RBFOX1: variants seen among roughly 807,000 people sequenced by gnomAD.
RBFOX1 encodes the protein RNA binding protein fox-1 homolog 1.
A neutral mutation model predicts 57.7 loss-of-function variants in RBFOX1; 8 were observed. The ratio of observed to expected loss-of-function variants is 0.14; its 90% confidence interval spans 0.08 to 0.25. RBFOX1 has a LOEUF of 0.25. Ranked by LOEUF, RBFOX1 falls within the 10% of genes least tolerant of loss-of-function variation. RBFOX1 has a pLI of 1.00. For synonymous variants in RBFOX1, 326 were observed against 222.4 expected (o/e 1.47, Z -4.15); for missense variants, 611 against 548.5 (o/e 1.11, Z -1.14).
chr16:6,875,259 A>G (rs1273228803), intron 3 of RBFOX1, among the ~76,000 whole-genome samples: 1 of 152,202 alleles, frequency 6.6e-6, no homozygotes, highest in African/African-American at 2.4e-5. Context: ...AGTATCTCTG[A>G]AGACTCTTCG....
At chr16:6,624,888 C>CGCTCAGACATTCTGG (rs1026707364) in intron 2 of RBFOX1, among the ~76,000 whole-genome samples, 2 of 152,016 alleles carry the variant, frequency 1.3e-5, no homozygotes, top group African/African-American at 4.8e-5. Context: ...CTGGGCTGGA[C>CGCTCAGACATTCTGG]GCGGTTGCTC....
chr16:6,784,559 A>T (rs1247143040), intron 3 of RBFOX1, among the ~76,000 whole-genome samples: 2 of 152,136 alleles, frequency 1.3e-5, no homozygotes, highest in Non-Finnish European at 2.9e-5. Flanking sequence ...CAAGACAACC[A>T]TTTTGAATTG....
chr16:6,455,664 T>C (rs9932976), intron 2 of RBFOX1, among the ~76,000 whole-genome samples: 49,620 of 152,100 alleles, frequency 0.33, 8,535 homozygotes, highest in Non-Finnish European at 0.38. Context: ...TCACCATGAA[T>C]ATATGACGAC....
At chr16:6,166,616 A>T (rs1294517707) in intron 1 of RBFOX1, among the ~76,000 whole-genome samples, 1 of 152,130 alleles carries the variant, frequency 6.6e-6, no homozygotes, top group African/African-American at 2.4e-5. Flanking sequence ...TTTTCAGGAA[A>T]AGGAGAGACT....
At chr16:5,953,740 C>A (rs953126687) in intron 4 of RBFOX1, among the ~76,000 whole-genome samples, 1 of 147,798 alleles carries the variant, frequency 6.8e-6, no homozygotes. Flanking sequence ...AACACATTTT[C>A]TTCATCCACT....
chr16:5,998,444 G>A (rs1218396612), intron 4 of RBFOX1, among the ~76,000 whole-genome samples: 5 of 152,218 alleles, frequency 3.3e-5, no homozygotes, highest in Non-Finnish European at 7.3e-5. Flanking sequence ...GCGGGCAAGC[G>A]AACTTCTATC....
chr16:7,206,672 C>T (rs1426405953), intron 4 of RBFOX1, among the ~76,000 whole-genome samples: 2 of 151,976 alleles, frequency 1.3e-5, no homozygotes, highest in African/African-American at 2.4e-5. Context: ...AAAGGTGATC[C>T]TGAAGTCCTG....
At chr16:6,367,549 C>T (rs965444531) in intron 2 of RBFOX1, among the ~76,000 whole-genome samples, 2 of 152,158 alleles carry the variant, frequency 1.3e-5, no homozygotes, top group African/African-American at 2.4e-5. Flanking sequence ...GGATTACAGG[C>T]GTGAGCCAAT....
chr16:6,163,878 C>G (rs1308712059), intron 1 of RBFOX1, among the ~76,000 whole-genome samples: 1 of 152,042 alleles, frequency 6.6e-6, no homozygotes, highest in African/African-American at 2.4e-5. Flanking sequence ...AGGTCCAATT[C>G]TTGGTTGTCA....
chr16:6,166,643 C>T (rs17139496), intron 1 of RBFOX1, among the ~76,000 whole-genome samples: 5,440 of 152,202 alleles, frequency 0.036, 351 homozygotes, highest in African/African-American at 0.12. Context: ...CTGAGCATAA[C>T]GCCGGTCCCT....
intron 1 of RBFOX1, among the ~76,000 whole-genome samples, chr16:6,184,866 C>A (rs1265596226): frequency 6.6e-6 from 1 of 152,116 alleles, no homozygotes; most frequent in Non-Finnish European, 1.5e-5. Flanking sequence ...CGCTTCTGGT[C>A]TACTACAGGA....
intron 4 of RBFOX1, among the ~76,000 whole-genome samples, chr16:7,399,633 ATCT>A (rs1292343919): frequency 6.6e-6 from 1 of 152,074 alleles, no homozygotes; most frequent in Non-Finnish European, 1.5e-5. Flanking sequence ...TTCTGCCTCC[ATCT>A]TCATATGGCA....
chr16:6,623,403 C>G (rs183273862), intron 2 of RBFOX1, among the ~76,000 whole-genome samples: 1 of 151,618 alleles, frequency 6.6e-6, no homozygotes, highest in Non-Finnish European at 1.5e-5. Context: ...CATGCAACCC[C>G]TGGTACTGAG....
intron 3 of RBFOX1, among the ~76,000 whole-genome samples, chr16:6,861,670 T>C (rs2059025363): frequency 6.6e-6 from 1 of 151,964 alleles, no homozygotes; most frequent in African/African-American, 2.4e-5. Flanking sequence ...ACCTCCTCTA[T>C]TTTTCACTGT....
intron 3 of RBFOX1, among the ~76,000 whole-genome samples, chr16:7,006,448 C>T (rs557049774): frequency 5.3e-5 from 8 of 152,124 alleles, no homozygotes; most frequent in East Asian, 1.9e-4. Flanking sequence ...CCACTGCGCC[C>T]GGCCAAACAA....
At chr16:6,001,804 A>G (rs986930998) in intron 4 of RBFOX1, among the ~76,000 whole-genome samples, 1 of 152,272 alleles carries the variant, frequency 6.6e-6, no homozygotes, top group South Asian at 2.1e-4. Context: ...ACAGATGACT[A>G]AAGCCTGGGA....
intron 3 of RBFOX1, among the ~76,000 whole-genome samples, chr16:6,774,798 C>G (rs1434628988): frequency 1.3e-5 from 2 of 151,946 alleles, no homozygotes; most frequent in Non-Finnish European, 2.9e-5. Context: ...TATACCTGAG[C>G]TTTCCAATAT....
intron 3 of RBFOX1, among the ~76,000 whole-genome samples, chr16:5,813,867 C>T (rs548221522): frequency 1.3e-5 from 2 of 152,226 alleles, no homozygotes; most frequent in Non-Finnish European, 1.5e-5. Context: ...TAGAATTAAA[C>T]ATCTTCACTG....
chr16:7,659,042 T>C (rs2067033780), intron 12 of RBFOX1, among the ~76,000 whole-genome samples: 1 of 152,318 alleles, frequency 6.6e-6, no homozygotes, highest in East Asian at 1.9e-4. Flanking sequence ...TTATTATTAT[T>C]CTAAGCCTAA....
Sources: allele counts gnomAD v4.1 joint callset (sites outside exome capture counted in the v4.1 genomes callset), GRCh38; gene constraint gnomAD v4.1.1; transcripts MANE v1.5; gene names NCBI Gene and HGNC (gene_info 2026-07-23, HGNC 2026-07-21).